Variants in DPP10 observed in about 807,000 individuals in gnomAD.
DPP10 encodes dipeptidyl peptidase like 10, also known as inactive dipeptidyl peptidase 10.
A neutral mutation model predicts 120.9 loss-of-function variants in DPP10; 33 were observed. The ratio of observed to expected loss-of-function variants is 0.27; its 90% CI spans 0.21 to 0.37. DPP10 has a LOEUF of 0.37. Ranked by LOEUF, DPP10 falls within the 10% of genes least tolerant of loss-of-function variation. The probability of loss-of-function intolerance (pLI) is 1.00; values close to 1 mark genes in which losing one functional copy is unlikely to be tolerated. For synonymous variants in DPP10, 337 were observed against 326.1 expected (o/e 1.03, Z -0.36); for missense variants, 816 against 942.8 (o/e 0.87, Z 1.76).
chr2:115,171,693 T>C (rs1400733427), intron 1 of DPP10, among the ~76,000 whole-genome samples: 1 of 151,228 alleles, frequency 6.6e-6, no homozygotes, highest in Non-Finnish European at 1.5e-5. Context: ...ACATCTGCCT[T>C]CCTTGCCGCT....
chr2:115,180,112 G>T (rs914116055), intron 1 of DPP10, among the ~76,000 whole-genome samples: 10 of 152,112 alleles, frequency 6.6e-5, no homozygotes, highest in African/African-American at 2.4e-4. Flanking sequence ...AATGCTTCTA[G>T]GAAGTCAAGC....
At chr2:115,052,189 C>G (rs531221524) in intron 1 of DPP10, among the ~76,000 whole-genome samples, 16 of 152,162 alleles carry the variant, frequency 1.1e-4, no homozygotes, top group African/African-American at 3.9e-4. Flanking sequence ...CATAATGGAT[C>G]AAACGCCTAA....
intron 1 of DPP10, among the ~76,000 whole-genome samples, chr2:115,265,417 G>C (rs193086478): frequency 9.7e-4 from 147 of 151,950 alleles, no homozygotes; most frequent in African/African-American, 3.3e-3. Flanking sequence ...CAGGAGACAT[G>C]GTTCCCTAGG....
At chr2:115,116,176 C>G (rs551823394) in intron 1 of DPP10, among the ~76,000 whole-genome samples, 6 of 152,200 alleles carry the variant, frequency 3.9e-5, no homozygotes, top group Admixed American at 1.3e-4. Flanking sequence ...CTTACACAGT[C>G]TATGGGACAG....
chr2:115,244,278 A>C (rs2058431982), intron 1 of DPP10, among the ~76,000 whole-genome samples: 1 of 142,226 alleles, frequency 7.0e-6, no homozygotes, highest in African/African-American at 2.5e-5. Flanking sequence ...AGAGAGAGAG[A>C]GAGACATATA....
At chr2:114,890,629 A>C (rs1692465737) in intron 1 of DPP10, among the ~76,000 whole-genome samples, 1 of 152,226 alleles carries the variant, frequency 6.6e-6, no homozygotes, top group Admixed American at 6.5e-5. Context: ...CAACATTTGG[A>C]TAGTTATTAG....
chr2:115,554,638 C>G (rs745883713), intron 5 of DPP10, among the ~76,000 whole-genome samples: 5 of 152,048 alleles, frequency 3.3e-5, no homozygotes, highest in Non-Finnish European at 7.4e-5. Context: ...AATGGTTGCT[C>G]AGGAATCCTT....
At chr2:115,619,122 T>G (rs1164936914) in intron 5 of DPP10, among the ~76,000 whole-genome samples, 3 of 149,548 alleles carry the variant, frequency 2.0e-5, no homozygotes, top group South Asian at 2.1e-4. Context: ...ATTTGTAGTT[T>G]TTTTTTTTTT....
chr2:114,443,359 CAT>C (rs1329131103), intron 1 of DPP10, among the ~76,000 whole-genome samples: 8 of 152,214 alleles, frequency 5.3e-5, no homozygotes, highest in East Asian at 1.9e-4. Flanking sequence ...TATAAAATCA[CAT>C]GTCTTTATTT....
chr2:115,428,910 A>G (rs1213834768), intron 3 of DPP10, among the ~76,000 whole-genome samples: 1 of 152,164 alleles, frequency 6.6e-6, no homozygotes, highest in Admixed American at 6.5e-5. Context: ...ATGGAGAGGA[A>G]AGTCTCTTTG....
intron 1 of DPP10, among the ~76,000 whole-genome samples, chr2:115,047,955 C>T (rs1419115149): frequency 6.6e-6 from 1 of 152,040 alleles, no homozygotes; most frequent in Non-Finnish European, 1.5e-5. Flanking sequence ...TCACTCTCTG[C>T]CCTGAAAATT....
chr2:114,858,741 C>T (rs1233204519), intron 1 of DPP10, among the ~76,000 whole-genome samples: 1 of 152,060 alleles, frequency 6.6e-6, no homozygotes, highest in South Asian at 2.1e-4. Context: ...TACTATCATA[C>T]CTACCATTCA....
chr2:114,736,108 A>G (rs1352909436), intron 1 of DPP10, among the ~76,000 whole-genome samples: 1 of 151,908 alleles, frequency 6.6e-6, no homozygotes, highest in Non-Finnish European at 1.5e-5. Flanking sequence ...AGAAGCATCT[A>G]AGTCATTTCC....
At chr2:115,417,098 C>T (rs764775497) in intron 3 of DPP10, among the ~76,000 whole-genome samples, 2 of 152,112 alleles carry the variant, frequency 1.3e-5, no homozygotes, top group Non-Finnish European at 2.9e-5. Context: ...TACTGTTAGA[C>T]TTTTCATGAA....
chr2:115,209,442 G>T (rs2056366762), intron 1 of DPP10, among the ~76,000 whole-genome samples: 1 of 152,008 alleles, frequency 6.6e-6, no homozygotes, highest in Non-Finnish European at 1.5e-5. Flanking sequence ...ACACATACAT[G>T]CTATGAAATA....
chr2:114,445,176 T>C (rs940115402), intron 1 of DPP10, among the ~76,000 whole-genome samples: 2 of 152,162 alleles, frequency 1.3e-5, no homozygotes, highest in African/African-American at 4.8e-5. Context: ...TTAAAGTTAA[T>C]TTTATTCCTC....
intron 1 of DPP10, among the ~76,000 whole-genome samples, chr2:114,694,793 G>C (rs1473529704): frequency 6.6e-6 from 1 of 151,970 alleles, no homozygotes; most frequent in African/African-American, 2.4e-5. Context: ...CAAAATGAAA[G>C]ATGTGATTTC....
intron 1 of DPP10, among the ~76,000 whole-genome samples, chr2:114,597,401 A>T (rs1692001814): frequency 6.6e-6 from 1 of 152,076 alleles, no homozygotes; most frequent in Non-Finnish European, 1.5e-5. Flanking sequence ...AATAATCAGA[A>T]CAAGTCATGC....
chr2:115,344,067 C>T (rs562946900), intron 3 of DPP10, among the ~76,000 whole-genome samples, 155 bp downstream of exon 3: 252 of 144,434 alleles, frequency 1.7e-3, no homozygotes, highest in African/African-American at 6.2e-3. Context: ...ACCTGGGAGG[C>T]GGACGTCGCA....
Sources: allele counts gnomAD v4.1 joint callset (sites outside exome capture counted in the v4.1 genomes callset), GRCh38; gene constraint gnomAD v4.1.1; transcripts MANE v1.5; gene names NCBI Gene and HGNC (gene_info 2026-07-23, HGNC 2026-07-21).